The following LRRC4C variants were observed in gnomAD, a reference collection of about 807,000 sequenced individuals.
LRRC4C encodes leucine-rich repeat-containing protein 4C.
LRRC4C carries 5 observed loss-of-function variants against 33.6 expected under a neutral mutation model. That is an observed-to-expected ratio of 0.15 (90% confidence interval 0.08 to 0.31). The LOEUF (loss-of-function observed/expected upper bound fraction) is 0.31, where lower values mean the gene tolerates loss of function less well. Among genes scored for constraint, LRRC4C ranks in the 10% least tolerant of loss-of-function variants. LRRC4C has a pLI of 1.00. For missense variants in LRRC4C, 560 were observed against 796.7 expected (o/e 0.70, Z 3.58); for synonymous variants, 329 against 302.0 (o/e 1.09, Z -0.93).
At chr11:40,508,763 AT>A (rs1955162336) in intron 3 of LRRC4C, among the ~76,000 whole-genome samples, 1 of 152,202 alleles carries the variant, frequency 6.6e-6, no homozygotes, top group African/African-American at 2.4e-5. Context: ...CTGCTGGGAT[AT>A]TATATGAAAT....
At chr11:41,156,813 G>C (rs1044271554) in intron 1 of LRRC4C, among the ~76,000 whole-genome samples, 1 of 152,058 alleles carries the variant, frequency 6.6e-6, no homozygotes, top group African/African-American at 2.4e-5. Context: ...GAGGAAATTA[G>C]CCAGGCAGAT....
chr11:40,892,487 C>T (rs1955762864), intron 2 of LRRC4C, among the ~76,000 whole-genome samples: 1 of 152,086 alleles, frequency 6.6e-6, no homozygotes, highest in Non-Finnish European at 1.5e-5. Context: ...GATATTTGTA[C>T]ACCAGTGTTC....
intron 1 of LRRC4C, among the ~76,000 whole-genome samples, chr11:41,365,947 A>T (rs1458735550): frequency 3.9e-5 from 6 of 152,214 alleles, no homozygotes; most frequent in Non-Finnish European, 7.3e-5. Flanking sequence ...AATGGGAATA[A>T]AAATAGTACC....
At chr11:40,869,663 A>T (rs1369042427) in intron 2 of LRRC4C, among the ~76,000 whole-genome samples, 1 of 151,998 alleles carries the variant, frequency 6.6e-6, no homozygotes, top group Non-Finnish European at 1.5e-5. Context: ...ACATGTGCTC[A>T]CCTCCCACAC....
At chr11:40,145,724 A>G (rs1857683540) in intron 5 of LRRC4C, among the ~76,000 whole-genome samples, 1 of 152,214 alleles carries the variant, frequency 6.6e-6, no homozygotes, top group African/African-American at 2.4e-5. Flanking sequence ...ACTTCTCAAC[A>G]GTTCTCACTT....
chr11:40,562,956 T>TTTG, intron 3 of LRRC4C, among the ~76,000 whole-genome samples: 1 of 151,990 alleles, frequency 6.6e-6, no homozygotes, highest in South Asian at 2.1e-4. Flanking sequence ...CTTTTTTTTT[T>TTTG]GTGATGTCAG....
At chr11:40,906,031 C>T (rs1454796181) in intron 2 of LRRC4C, among the ~76,000 whole-genome samples, 7 of 152,114 alleles carry the variant, frequency 4.6e-5, no homozygotes, top group Non-Finnish European at 1.5e-5. Context: ...CCAGAAATTG[C>T]CACAGCCACT....
At chr11:41,279,773 A>G (rs1949605919) in intron 1 of LRRC4C, among the ~76,000 whole-genome samples, 1 of 152,162 alleles carries the variant, frequency 6.6e-6, no homozygotes. Context: ...ATTGGAAAAT[A>G]TCTTTAATTA....
At chr11:40,890,369 G>A (rs1187833848) in intron 2 of LRRC4C, among the ~76,000 whole-genome samples, 1 of 152,082 alleles carries the variant, frequency 6.6e-6, no homozygotes, top group African/African-American at 2.4e-5. Flanking sequence ...AAAGAAGGCT[G>A]AATTCCCTTT....
chr11:41,089,655 T>C (rs1940257734), intron 1 of LRRC4C, among the ~76,000 whole-genome samples: 1 of 152,100 alleles, frequency 6.6e-6, no homozygotes. Flanking sequence ...ATTCAATTTA[T>C]TTTTCTTAAT....
chr11:40,766,455 A>C (rs566417048), intron 2 of LRRC4C, among the ~76,000 whole-genome samples: 5 of 151,748 alleles, frequency 3.3e-5, no homozygotes. Context: ...ACAAATACAG[A>C]ATACTATAAC....
intron 1 of LRRC4C, among the ~76,000 whole-genome samples, chr11:41,409,773 T>G (rs1472890241): frequency 6.6e-6 from 1 of 152,172 alleles, no homozygotes; most frequent in Non-Finnish European, 1.5e-5. Flanking sequence ...AATATACCTG[T>G]CAATGAAAGC....
At chr11:40,783,332 G>T (rs556657994) in intron 2 of LRRC4C, among the ~76,000 whole-genome samples, 4 of 151,524 alleles carry the variant, frequency 2.6e-5, no homozygotes, top group Non-Finnish European at 2.9e-5. Context: ...GTCTTGCTCC[G>T]TCACCCAGGC....
rs1258895187 is a variant in LRRC4C, at chr11:40,826,489, C to A, written c.-407+107146G>T. Reference sequence around the variant, plus strand: ...GCCCAAGGGTATGTGCCATACGCCCCCTTCTTTAAATATTCCAAAATATTA... The same window carrying A: ...GCCCAAGGGTATGTGCCATACGCCCACTTCTTTAAATATTCCAAAATATTA... On this transcript the variant is annotated intron_variant, in intron 2 of 6. Transcript: ENST00000528697. Among the ~76,000 whole-genome samples the A allele has an allele frequency of 5.9e-5, 9 of 151,902 alleles. No homozygotes were observed. In the East Asian group the frequency reaches 1.6e-3, roughly 26 times the overall value.
chr11:41,406,117 A>G (rs1309191546), intron 1 of LRRC4C, among the ~76,000 whole-genome samples: 1 of 152,148 alleles, frequency 6.6e-6, no homozygotes, highest in Non-Finnish European at 1.5e-5. Flanking sequence ...CAGACTTATG[A>G]GGTAAGATTA....
chr11:40,815,408 C>G (rs1951666096), intron 2 of LRRC4C, among the ~76,000 whole-genome samples: 1 of 152,298 alleles, frequency 6.6e-6, no homozygotes, highest in Non-Finnish European at 1.5e-5. Flanking sequence ...GGGTGGGCCA[C>G]AGCCAAACCA....
intron 3 of LRRC4C, among the ~76,000 whole-genome samples, chr11:40,646,868 A>C (rs1252011104): frequency 6.6e-6 from 1 of 152,066 alleles, no homozygotes; most frequent in African/African-American, 2.4e-5. Flanking sequence ...GGCCTCCCAA[A>C]ATGCTGGGAT....
In LRRC4C at chr11:40,602,864, AT is replaced by A. The variant is rs544881837; in HGVS notation, c.-270+45277del. ...CACCACGTATCTGCCTCTTATCATG[AT>A]TTTTGATGTTATTTTGGTCATTGGC... is the stretch of plus-strand genomic sequence containing the variant. On this transcript the variant is annotated intron_variant, in intron 3 of 6. Transcript: ENST00000528697. Among the ~76,000 whole-genome samples the A allele has an allele frequency of 2.2e-4, 33 of 152,272 alleles. No homozygotes were observed. In the East Asian group the frequency reaches 2.5e-3, roughly 12 times the overall value.
At chr11:40,806,100 A>C (rs1951235734) in intron 2 of LRRC4C, among the ~76,000 whole-genome samples, 1 of 152,182 alleles carries the variant, frequency 6.6e-6, no homozygotes, top group South Asian at 2.1e-4. Flanking sequence ...ATTTTTATAA[A>C]ATTTTAAAAA....
Sources: allele counts gnomAD v4.1 joint callset (sites outside exome capture counted in the v4.1 genomes callset), GRCh38; gene constraint gnomAD v4.1.1; transcripts MANE v1.5; gene names NCBI Gene and HGNC (gene_info 2026-07-23, HGNC 2026-07-21).